CSMD1: variants seen among roughly 807,000 people sequenced by gnomAD.
CSMD1 encodes the protein CUB and sushi domain-containing protein 1.
CSMD1 carries 213 observed loss-of-function variants against 417.5 expected under a neutral mutation model. That is an observed-to-expected ratio of 0.51 (90% CI 0.46 to 0.57). CSMD1 has a LOEUF of 0.57. CSMD1 is among the 20% of genes least tolerant of loss of function. The pLI is 0.00. For missense variants in CSMD1, 6,923 were observed against 4,529.7 expected, an observed-to-expected ratio of 1.53 and a Z score of -15.17; for synonymous variants, 2,862 against 1,736.8, an observed-to-expected ratio of 1.65 and a Z score of -16.11.
intron 4 of CSMD1, among the ~76,000 whole-genome samples, chr8:4,004,635 G>C (rs914566164): frequency 6.6e-6 from 1 of 151,968 alleles, no homozygotes; most frequent in African/African-American, 2.4e-5. Context: ...ATATATTTTA[G>C]ATTTCAATAA....
intron 3 of CSMD1, among the ~76,000 whole-genome samples, chr8:4,191,788 A>C (rs983096576): frequency 1.3e-5 from 2 of 150,978 alleles, no homozygotes; most frequent in Non-Finnish European, 2.9e-5. Flanking sequence ...TCCTGTGGTT[A>C]AGGTTGAATT....
At chr8:3,393,635 T>A (rs780209678) in intron 17 of CSMD1, among the ~76,000 whole-genome samples, 1 of 152,064 alleles carries the variant, frequency 6.6e-6, no homozygotes, top group African/African-American at 2.4e-5. Flanking sequence ...ATGGCACATA[T>A]ACACAATGGA....
chr8:4,778,695 G>C (rs1041837824), intron 1 of CSMD1, among the ~76,000 whole-genome samples: 1 of 152,150 alleles, frequency 6.6e-6, no homozygotes, highest in Non-Finnish European at 1.5e-5. Flanking sequence ...TGTCCAATCA[G>C]AAATACTTTC....
At chr8:4,574,379 G>T (rs965753172) in intron 2 of CSMD1, among the ~76,000 whole-genome samples, 1 of 152,090 alleles carries the variant, frequency 6.6e-6, no homozygotes, top group Non-Finnish European at 1.5e-5. Context: ...TAGGAGAGGG[G>T]GTTACCCAGC....
At chr8:3,249,499 C>T (rs979128642) in intron 26 of CSMD1, among the ~76,000 whole-genome samples, 2 of 152,126 alleles carry the variant, frequency 1.3e-5, no homozygotes, top group Non-Finnish European at 2.9e-5. Flanking sequence ...GCTGGGATTA[C>T]AGACATGAGC....
At chr8:4,618,102 G>A (rs549118456) in intron 2 of CSMD1, among the ~76,000 whole-genome samples, 1 of 152,194 alleles carries the variant, frequency 6.6e-6, no homozygotes, top group Admixed American at 6.5e-5. Context: ...ATCTGCCGAG[G>A]TGCCAAATGT....
rs1353192143 is a variant in CSMD1, at chr8:3,434,432, T to C, written c.1562-24827A>G. ...TTCCAGTTAATTCAATATTTGCTTA[T>C]TCCATACAAGCCTATATTAAAGAAA... On this transcript the variant is annotated intron_variant, in intron 12 of 69. Transcript: ENST00000635120. Among the ~76,000 whole-genome samples the C allele has an allele frequency of 8.5e-5, 13 of 152,344 alleles. No homozygotes were observed. The East Asian group carries it at 2.5e-3, about 29-fold the overall frequency.
intron 3 of CSMD1, among the ~76,000 whole-genome samples, chr8:4,172,604 G>A (rs556356951): frequency 2.6e-4 from 40 of 152,226 alleles, no homozygotes; most frequent in African/African-American, 8.9e-4. Context: ...ATCTAACTAA[G>A]CTCATGGAAC....
At chr8:3,910,185 T>A (rs557858414) in intron 5 of CSMD1, among the ~76,000 whole-genome samples, 1 of 152,292 alleles carries the variant, frequency 6.6e-6, no homozygotes, top group Non-Finnish European at 1.5e-5. Context: ...GGACAAGGAA[T>A]TTTATAATGC....
rs1022700700 is a variant in CSMD1 at position 4,265,005 on chromosome 8, A to G, written c.415+154948T>C. The stretch of plus-strand genomic sequence containing the variant: ...CAACAATTAAGAAGCACTTATCAAT[A>G]TGTCAAGTATATAAATTTAAGTTAA... On this transcript the variant is annotated intron_variant, in intron 3 of 69. Coordinates refer to ENST00000635120, the MANE Select transcript of CSMD1 (RefSeq NM_033225.6). Among the ~76,000 whole-genome samples the G allele has an allele frequency of 3.4e-4, 51 of 152,186 alleles. 1 individual carries two copies. The highest frequency in any genetic ancestry group is 1.2e-4 in the Non-Finnish European group (8 of 68,030).
At chr8:4,520,038 T>C (rs868329945) in intron 2 of CSMD1, among the ~76,000 whole-genome samples, 9 of 151,996 alleles carry the variant, frequency 5.9e-5, no homozygotes, top group Admixed American at 2.6e-4. Context: ...GAATAAATTC[T>C]ATGCTTGTTT....
At chr8:2,997,936 A>C in intron 54 of CSMD1, 75 bp downstream of exon 54, 2 of 1,391,762 alleles carry the variant, frequency 1.4e-6, no homozygotes, top group South Asian at 2.8e-5. Context: ...TCATGGAGAC[A>C]GGCTCTTGAT....
chr8:3,655,406 C>G (rs1463217887), intron 7 of CSMD1, among the ~76,000 whole-genome samples: 1 of 152,218 alleles, frequency 6.6e-6, no homozygotes, highest in African/African-American at 2.4e-5. Flanking sequence ...CACAGTAACT[C>G]TTTTAAGATA....
intron 7 of CSMD1, among the ~76,000 whole-genome samples, chr8:3,630,630 G>C (rs1444384220): frequency 1.3e-5 from 2 of 152,182 alleles, no homozygotes; most frequent in East Asian, 1.9e-4. Flanking sequence ...TGCTGAGTGA[G>C]GGTTGAAGGG....
At chr8:4,496,582 C>T (rs1801989403) in intron 2 of CSMD1, among the ~76,000 whole-genome samples, 1 of 152,180 alleles carries the variant, frequency 6.6e-6, no homozygotes, top group Non-Finnish European at 1.5e-5. Context: ...CTTCTCTCTG[C>T]TCCTTGTGGC....
intron 6 of CSMD1, among the ~76,000 whole-genome samples, chr8:3,723,476 G>A (rs1002261325): frequency 6.6e-6 from 1 of 152,158 alleles, no homozygotes; most frequent in African/African-American, 2.4e-5. Context: ...TTAGGATCCT[G>A]TGTATTCTCT....
At chr8:3,259,868 AATATT>A (rs1243326415) in intron 26 of CSMD1, among the ~76,000 whole-genome samples, 1 of 151,572 alleles carries the variant, frequency 6.6e-6, no homozygotes, top group African/African-American at 2.4e-5. Flanking sequence ...ATCAAAATAA[AATATT>A]AATTTATGAC....
intron 3 of CSMD1, among the ~76,000 whole-genome samples, chr8:4,034,546 C>G (rs958164728): frequency 2.0e-5 from 3 of 152,166 alleles, no homozygotes; most frequent in Non-Finnish European, 4.4e-5. Context: ...GGAAGAAAAA[C>G]TTTCCATTTT....
At chr8:3,145,435 T>G (rs1299413182) in intron 40 of CSMD1, among the ~76,000 whole-genome samples, 1 of 152,070 alleles carries the variant, frequency 6.6e-6, no homozygotes, top group Non-Finnish European at 1.5e-5. Flanking sequence ...GGGATCAGGG[T>G]GCAAAGAAAT....
Sources: gnomAD v4.1 joint callset for allele counts (sites outside exome capture counted in the v4.1 genomes callset) on GRCh38, gnomAD v4.1.1 for gene constraint, MANE v1.5 for transcripts, NCBI Gene and HGNC (gene_info 2026-07-23, HGNC 2026-07-21) for gene names.